The following BRD10 variants were observed in gnomAD, a reference collection of about 807,000 sequenced individuals.
BRD10 encodes the protein bromodomain containing 10.
the BRD10 span, among the ~76,000 whole-genome samples, chr9:5,939,832 T>C: frequency 3.3e-5 from 5 of 152,218 alleles, no homozygotes; most frequent in Admixed American, 1.3e-4. Flanking sequence ...GCAGCAACAT[T>C]GGTTTCAATC....
chr9:5,952,953 T>C, the BRD10 span, among the ~76,000 whole-genome samples: 2 of 152,334 alleles, frequency 1.3e-5, no homozygotes, highest in East Asian at 1.9e-4. Flanking sequence ...TTGTAATTCA[T>C]CCTAAGAATA....
chr9:5,925,718 C>A, the BRD10 span, among the ~76,000 whole-genome samples: 1 of 152,094 alleles, frequency 6.6e-6, no homozygotes. Context: ...GAAAACAAAG[C>A]TGAAAAGTAA....
At chr9:5,980,859 T>G in the BRD10 span, among the ~76,000 whole-genome samples, 1 of 152,206 alleles carries the variant, frequency 6.6e-6, no homozygotes. Flanking sequence ...ATATAACAGG[T>G]GTTTTAACCT....
chr9:5,952,026 T>TATTTATTC, the BRD10 span, among the ~76,000 whole-genome samples: 199 of 149,488 alleles, frequency 1.3e-3, 2 homozygotes, highest in Middle Eastern at 6.9e-3. Flanking sequence ...TTTATTTATT[T>TATTTATTC]ATTTATTTAT....
the BRD10 span, among the ~76,000 whole-genome samples, chr9:5,999,323 T>C: frequency 1.3e-5 from 2 of 152,248 alleles, no homozygotes; most frequent in South Asian, 4.1e-4. Flanking sequence ...ATATCTAGCA[T>C]TGCTCTAGGA....
the BRD10 span, chr9:5,908,557 A>ATC: frequency 8.5e-7 from 1 of 1,181,064 alleles, no homozygotes; most frequent in Non-Finnish European, 1.3e-6. Flanking sequence ...AAGTATAAAT[A>ATC]TGTTAACTAT....
At chr9:5,899,784 C>A in the BRD10 span, among the ~76,000 whole-genome samples, 2 of 152,192 alleles carry the variant, frequency 1.3e-5, no homozygotes, top group Non-Finnish European at 2.9e-5. Flanking sequence ...TCTAACTCAT[C>A]TTCATATCTC....
chr9:5,966,547 C>T, the BRD10 span, among the ~76,000 whole-genome samples: 1 of 136,740 alleles, frequency 7.3e-6, no homozygotes, highest in African/African-American at 2.8e-5. Flanking sequence ...GTAACCTCTG[C>T]CTCCCGGGTT....
the BRD10 span, chr9:5,920,765 A>G: frequency 6.8e-6 from 11 of 1,614,018 alleles, no homozygotes; most frequent in Non-Finnish European, 9.3e-6. Flanking sequence ...GGCAACCGTA[A>G]CAGGAATTTG....
the BRD10 span, among the ~76,000 whole-genome samples, chr9:5,926,067 G>A: frequency 4.0e-5 from 6 of 150,734 alleles, no homozygotes; most frequent in South Asian, 4.2e-4. Context: ...ACAGACACGC[G>A]CCACCACAAC....
At chr9:5,928,732 C>A in the BRD10 span, among the ~76,000 whole-genome samples, 1 of 152,152 alleles carries the variant, frequency 6.6e-6, no homozygotes, top group Admixed American at 6.5e-5. Flanking sequence ...CAAAGAGTAA[C>A]CTTCACCCTG....
chr9:5,993,237 C>G, the BRD10 span, among the ~76,000 whole-genome samples: 2 of 148,106 alleles, frequency 1.4e-5, no homozygotes, highest in South Asian at 4.3e-4. Context: ...CTCACTGGAA[C>G]CTGGGAGACG....
At chr9:5,994,904 T>TC in the BRD10 span, among the ~76,000 whole-genome samples, 9 of 148,088 alleles carry the variant, frequency 6.1e-5, no homozygotes, top group South Asian at 2.1e-4. Flanking sequence ...CATTTTTCTT[T>TC]TTTTTTTTTT....
chr9:5,923,210 G>C, the BRD10 span: 5 of 1,613,856 alleles, frequency 3.1e-6, no homozygotes, highest in Non-Finnish European at 4.2e-6. Context: ...TCGTTTAAGT[G>C]TTTTAAGCAG....
chr9:6,005,227 T>C, the BRD10 span, among the ~76,000 whole-genome samples: 5 of 152,240 alleles, frequency 3.3e-5, no homozygotes, highest in African/African-American at 7.2e-5. Flanking sequence ...ATGTTTATTA[T>C]AGGCCGGGCG....
At chr9:5,988,406 CA>C in the BRD10 span, 5 of 1,613,810 alleles carry the variant, frequency 3.1e-6, no homozygotes, top group Non-Finnish European at 4.2e-6. Flanking sequence ...ATTATAGATT[CA>C]AAAACTCCAC....
At chr9:6,007,949 T>C in the BRD10 span, 1 of 1,306,434 alleles carries the variant, frequency 7.7e-7, no homozygotes. Flanking sequence ...CGCGCGGGGG[T>C]CTTGAGCTCA....
At chr9:5,923,415 A>G in the BRD10 span, 10 of 812,750 alleles carry the variant, frequency 1.2e-5, no homozygotes, top group Admixed American at 5.7e-5. Flanking sequence ...CAGTGTATTA[A>G]GAAATCTACT....
At chr9:6,006,409 A>T in the BRD10 span, among the ~76,000 whole-genome samples, 4 of 152,328 alleles carry the variant, frequency 2.6e-5, no homozygotes, top group East Asian at 7.7e-4. Flanking sequence ...CTCCCGAAAA[A>T]TTTAAACTTT....
Sources: gnomAD v4.1 joint callset for allele counts (sites outside exome capture counted in the v4.1 genomes callset) on GRCh38, gnomAD v4.1.1 for gene constraint, MANE v1.5 for transcripts, NCBI Gene and HGNC (gene_info 2026-07-23, HGNC 2026-07-21) for gene names.